The following ARID4B variants were observed in gnomAD, a reference collection of about 807,000 sequenced individuals.
ARID4B encodes the protein AT-rich interactive domain-containing protein 4B.
In ARID4B, 26 loss-of-function variants were observed where a neutral mutation model predicts 147.5. That is an observed-to-expected ratio of 0.18 (90% confidence interval 0.13 to 0.24). The LOEUF (loss-of-function observed/expected upper bound fraction) is 0.24, where lower values mean the gene tolerates loss of function less well. ARID4B is among the 10% of genes least tolerant of loss of function. ARID4B has a pLI of 1.00. For missense variants in ARID4B, 1,179 were observed against 1,511.5 expected, an observed-to-expected ratio of 0.78 and a Z score of 3.65; for synonymous variants, 512 against 507.9, an observed-to-expected ratio of 1.01 and a Z score of -0.11.
chr1:235,213,113 A>C (rs949118827), intron 17 of ARID4B, among the ~76,000 whole-genome samples: 26 of 152,348 alleles, frequency 1.7e-4, no homozygotes, highest in Admixed American at 1.6e-3. Context: ...AAGAAAATTT[A>C]TCTAAGAAAA....
chr1:235,247,349 T>C (rs1359707792), intron 6 of ARID4B, among the ~76,000 whole-genome samples: 1 of 152,188 alleles, frequency 6.6e-6, no homozygotes, highest in South Asian at 2.1e-4. Flanking sequence ...ACTAATGTAA[T>C]ATGTAAAAAG....
chr1:235,226,816 G>A (rs959470591), intron 11 of ARID4B, among the ~76,000 whole-genome samples: 4 of 152,036 alleles, frequency 2.6e-5, no homozygotes, highest in African/African-American at 4.8e-5. Context: ...GAGCCACCGC[G>A]CCCAGCCACA....
intron 17 of ARID4B, among the ~76,000 whole-genome samples, chr1:235,203,868 A>G (rs1266445173): frequency 6.6e-6 from 1 of 152,194 alleles, no homozygotes; most frequent in Non-Finnish European, 1.5e-5. Flanking sequence ...AAGCAATTTT[A>G]TCAATATTTA....
intron 2 of ARID4B, among the ~76,000 whole-genome samples, chr1:235,315,334 G>A (rs576570801): frequency 1.3e-5 from 2 of 152,310 alleles, no homozygotes; most frequent in East Asian, 3.9e-4. Flanking sequence ...GGTGACTGAG[G>A]TAGGAAGATC....
intron 2 of ARID4B, among the ~76,000 whole-genome samples, chr1:235,306,253 G>A (rs1673551792): frequency 6.6e-6 from 1 of 152,046 alleles, no homozygotes; most frequent in African/African-American, 2.4e-5. Flanking sequence ...GGGCACGGTG[G>A]CTCACTTTGG....
At chr1:235,300,464 T>G (rs1211475327) in intron 2 of ARID4B, among the ~76,000 whole-genome samples, 1 of 151,680 alleles carries the variant, frequency 6.6e-6, no homozygotes, top group Non-Finnish European at 1.5e-5. Context: ...AAAATTGAGT[T>G]CAACTCTATG....
chr1:235,289,264 T>C (rs1381464815), intron 2 of ARID4B, among the ~76,000 whole-genome samples: 8 of 152,190 alleles, frequency 5.3e-5, no homozygotes, highest in Non-Finnish European at 1.0e-4. Context: ...CTATAAAATA[T>C]TGATAAATTT....
chr1:235,172,606 A>G lies in ARID4B; in HGVS notation c.3811+12T>C. On this transcript the variant is annotated intron_variant, in intron 23 of 23. Transcript: ENST00000264183. Reference sequence around the variant, plus strand: ...ATAAATAAATAAATAAAAATAAAGTAAAAATACTTACTTTCTCTCTCTTTC... The same window carrying G: ...ATAAATAAATAAATAAAAATAAAGTGAAAATACTTACTTTCTCTCTCTTTC... 1 of 1,503,836 alleles carries G rather than the reference A, an allele frequency of 6.6e-7. No individual in the cohort carries two copies. Among genetic ancestry groups the G allele is most frequent in the Non-Finnish European group, 8.9e-7 (1 of 1,122,564 alleles). The allele number at this position is 1,503,836 out of a possible 1,614,324, so 93.2% of individuals were successfully genotyped here.
intron 2 of ARID4B, among the ~76,000 whole-genome samples, chr1:235,291,672 C>CCAAAAAA (rs146104952): frequency 0.13 from 19,839 of 151,762 alleles, 1,496 homozygotes; most frequent in African/African-American, 0.2. Context: ...CCCGTCTCTA[C>CCAAAAAA]TAAAAAATAC....
chr1:235,183,007 G>GT (rs1417156743), intron 19 of ARID4B, among the ~76,000 whole-genome samples: 5 of 151,850 alleles, frequency 3.3e-5, no homozygotes, highest in African/African-American at 1.2e-4. Context: ...GGTGATGGTT[G>GT]TAACACTGTA....
intron 22 of ARID4B, among the ~76,000 whole-genome samples, chr1:235,173,770 A>ATT (rs1663596524): frequency 2.7e-5 from 1 of 37,494 alleles, no homozygotes; most frequent in Non-Finnish European, 4.3e-5. Flanking sequence ...AAAAAAAAAA[A>ATT]AATATATATA....
At chr1:235,210,867 A>C (rs1666671898) in intron 17 of ARID4B, among the ~76,000 whole-genome samples, 1 of 137,986 alleles carries the variant, frequency 7.2e-6, no homozygotes, top group South Asian at 2.9e-4. Flanking sequence ...TTAAAAACTA[A>C]ATTACTAGAG....
At chr1:235,306,836 T>G (rs944244738) in intron 2 of ARID4B, among the ~76,000 whole-genome samples, 7 of 152,074 alleles carry the variant, frequency 4.6e-5, no homozygotes, top group African/African-American at 7.2e-5. Context: ...TTTTGTATTT[T>G]TGGTAGAGAC....
intron 2 of ARID4B, among the ~76,000 whole-genome samples, chr1:235,283,942 G>A (rs1250781345): frequency 6.6e-6 from 1 of 151,818 alleles, no homozygotes; most frequent in African/African-American, 2.4e-5. Context: ...TCGATATGTT[G>A]GCCAGACTGG....
intron 2 of ARID4B, among the ~76,000 whole-genome samples, chr1:235,321,299 T>C (rs1350663435): frequency 6.6e-6 from 1 of 152,224 alleles, no homozygotes; most frequent in Non-Finnish European, 1.5e-5. Context: ...TGCCATGTTA[T>C]GGATCTTAAA....
intron 2 of ARID4B, among the ~76,000 whole-genome samples, chr1:235,313,223 T>A (rs1674193682): frequency 6.6e-6 from 1 of 152,098 alleles, no homozygotes; most frequent in Non-Finnish European, 1.5e-5. Context: ...AGAGACAAGG[T>A]TTCACCATGT....
intron 16 of ARID4B, 131 bp from the exon 17 acceptor site, chr1:235,214,157 T>A: frequency 9.0e-7 from 1 of 1,109,696 alleles, no homozygotes; most frequent in East Asian, 2.4e-5. Flanking sequence ...TGTATGAAAT[T>A]CTCAGAGTTT....
At chr1:235,200,639 AAAG>A (rs141065448) in intron 17 of ARID4B, among the ~76,000 whole-genome samples, 20,199 of 152,204 alleles carry the variant, frequency 0.13, 1,553 homozygotes, top group African/African-American at 0.2. Flanking sequence ...CACAGGCTTC[AAAG>A]AAGAATTTAC....
chr1:235,190,080 A>C (rs890458420), intron 19 of ARID4B: 1 of 154,376 alleles, frequency 6.5e-6, no homozygotes, highest in African/African-American at 2.4e-5. Flanking sequence ...TGTACTGTGG[A>C]TATATCTGTT....
Sources: gnomAD v4.1 joint callset for allele counts (sites outside exome capture counted in the v4.1 genomes callset) on GRCh38, gnomAD v4.1.1 for gene constraint, MANE v1.5 for transcripts, NCBI Gene and HGNC (gene_info 2026-07-23, HGNC 2026-07-21) for gene names.